Variants in SLC35E3 observed in about 807,000 individuals in gnomAD.
SLC35E3 encodes the protein bladder cancer-overexpressed gene 1 protein.
In SLC35E3, 28 loss-of-function variants were observed where a neutral mutation model predicts 30.8. The observed-to-expected ratio is 0.91, with a 90% CI of 0.67 to 1.25. The LOEUF is 1.25. Among genes scored for constraint, SLC35E3 ranks in the 50% most tolerant of loss-of-function variants. The pLI is 0.00. For synonymous variants in SLC35E3, 146 were observed against 149.2 expected (o/e 0.98, Z 0.16); for missense variants, 365 against 375.4 (o/e 0.97, Z 0.23).
In SLC35E3 at chr12:68,764,657, T is replaced by G. The variant is rs761322810; in HGVS notation, c.756-47T>G. 4.4e-6 allele frequency: 7 copies of G among 1,574,038 alleles called. No homozygotes were observed. The South Asian group carries it at 6.9e-5, about 15-fold the overall frequency. ...GCAGTGCGAGTGTGTGTGTAAATAT[T>G]AACATCTATCTTGTTATTCCTTTTT... On this transcript the variant is annotated intron_variant, in intron 4 of 4. Transcript: ENST00000398004.
At position 68,766,746 on chromosome 12, in the gene SLC35E3, G is replaced by C. The variant is rs902443073; in HGVS notation, c.*1856G>C. 1.3e-5 allele frequency: 6 copies of C among 449,468 alleles called. No individual in the cohort carries two copies. Among genetic ancestry groups the C allele is most frequent in the African/African-American group, 1.2e-4 (6 of 49,784 alleles). The allele number at this position is 449,468 out of a possible 1,614,324, so 27.8% of individuals were successfully genotyped here. A position where few individuals can be genotyped will look rare whatever the true frequency, so the allele number is the denominator to read the frequency against. On this transcript the variant is annotated 3_prime_UTR_variant, in exon 5 of 5. Coordinates refer to ENST00000398004, the MANE Select transcript of SLC35E3 (RefSeq NM_018656.5). ...ACTACAGGTGCACACCAACATACCT[G>C]GCTGATTTTTATATTTTTTGTAGAG...
rs1219273534 is a variant in SLC35E3, at chr12:68,766,063, A to G, written c.*1173A>G. ...AAAGTATAATAAAGATGACTGTAAGACAAAATCCAATTCTAAAAGTATGAT... is the reference window on the plus strand; with the variant it reads ...AAAGTATAATAAAGATGACTGTAAGGCAAAATCCAATTCTAAAAGTATGAT... On this transcript the variant is annotated 3_prime_UTR_variant, in exon 5 of 5. Transcript: ENST00000398004. 1 of 152,136 alleles carries G rather than the reference A, an allele frequency of 6.6e-6. No individual in the cohort carries two copies. Among genetic ancestry groups the G allele is most frequent in the Non-Finnish European group, 1.5e-5 (1 of 68,026 alleles). 9.4% of individuals were successfully genotyped at this position (152,136 alleles called of 1,614,324 possible).
At chr12:68,746,933 G>C (rs1878605256) in intron 1 of SLC35E3, among the ~76,000 whole-genome samples, 154 bp downstream of exon 1, 1 of 152,254 alleles carries the variant, frequency 6.6e-6, no homozygotes, top group Non-Finnish European at 1.5e-5. Flanking sequence ...ATTTTAGGGA[G>C]GGGGAAAAGG....
chr12:68,759,253 A>G lies in SLC35E3; in HGVS notation c.755+14A>G, dbSNP rs756590796. On this transcript the variant is annotated intron_variant, in intron 4 of 4. Transcript: ENST00000398004. ...TTCACCTGTCACGTATCCTTTTCAT[A>G]TAACTTAGAAATGCATCGTCTTTTA... 12 of 1,584,202 alleles carry G rather than the reference A, an allele frequency of 7.6e-6. 1 individual carries two copies. The South Asian group carries it at 9.0e-5, about 12-fold the overall frequency.
At position 68,769,472 on chromosome 12, in the gene SLC35E3, C is replaced by T. The variant is rs1297144644; in HGVS notation, c.*4582C>T. 6.6e-6 allele frequency: 1 copy of T among 151,696 alleles called. No individual in the cohort carries two copies. Among genetic ancestry groups the T allele is most frequent in the African/African-American group, 2.4e-5 (1 of 41,272 alleles). 9.4% of individuals were successfully genotyped at this position (151,696 alleles called of 1,614,324 possible). ...AGGAGTTCGAGACCAGCCTGGCCAA[C>T]ATGGTGAAACCCCATCTCTACTAAA... On this transcript the variant is annotated 3_prime_UTR_variant, in exon 5 of 5. Coordinates refer to ENST00000398004, the MANE Select transcript of SLC35E3 (RefSeq NM_018656.5).
rs1879438878 is a variant in SLC35E3 at position 68,766,823 on chromosome 12, C to T, written c.*1933C>T. ...TGATCTCAAACTCTTGAGCTCAAGC[C>T]ATCTGTCTGCCTCAGCCTCTCGAAG... On this transcript the variant is annotated 3_prime_UTR_variant, in exon 5 of 5. Transcript: ENST00000398004. 2.2e-6 allele frequency: 1 copy of T among 446,246 alleles called. No homozygotes were observed. The highest frequency in any genetic ancestry group is 4.5e-6 in the Non-Finnish European group (1 of 222,812). 27.6% of individuals were successfully genotyped at this position (446,246 alleles called of 1,614,324 possible). A position where few individuals can be genotyped will look rare whatever the true frequency, so the allele number is the denominator to read the frequency against.
rs757876132 is a variant in SLC35E3 at position 68,746,811 on chromosome 12, C to T, written c.402+32C>T. The stretch of plus-strand genomic sequence containing the variant: ...AGCTTCAGCTTCCCAAGGCGCCGCT[C>T]TCCCGACCCACCTCCTGCACTGGCC... On this transcript the variant is annotated intron_variant, in intron 1 of 4. Coordinates refer to ENST00000398004, the MANE Select transcript of SLC35E3 (RefSeq NM_018656.5). 2.5e-5 allele frequency: 38 copies of T among 1,535,824 alleles called. No individual in the cohort carries two copies. The Admixed American group carries it at 7.2e-4, about 29-fold the overall frequency.
chr12:68,751,236 T>G (rs1331735623), intron 2 of SLC35E3, among the ~76,000 whole-genome samples: 9 of 151,904 alleles, frequency 5.9e-5, no homozygotes, highest in Non-Finnish European at 1.3e-4. Flanking sequence ...GCCACACACA[T>G]TGGCAACCAT....
intron 4 of SLC35E3, among the ~76,000 whole-genome samples, chr12:68,761,108 G>T (rs1879219582): frequency 6.6e-6 from 1 of 152,234 alleles, no homozygotes; most frequent in South Asian, 2.1e-4. Flanking sequence ...AGAGCAGGTT[G>T]AGCAAAGGAG....
chr12:68,753,562 G>C (rs973110289), intron 3 of SLC35E3, among the ~76,000 whole-genome samples: 6 of 152,068 alleles, frequency 3.9e-5, no homozygotes, highest in African/African-American at 1.4e-4. Flanking sequence ...ATCATTTCAT[G>C]GATCTCTTTT....
chr12:68,759,115 T>C (rs748638972), intron 3 of SLC35E3, 42 bp from the exon 4 acceptor site: 1 of 1,259,260 alleles, frequency 7.9e-7, no homozygotes, highest in Non-Finnish European at 1.2e-6. Context: ...ATGATTATGA[T>C]TGCAGTGCTT....
chr12:68,758,229 G>A (rs1387513634), intron 3 of SLC35E3, among the ~76,000 whole-genome samples: 1 of 152,134 alleles, frequency 6.6e-6, no homozygotes, highest in African/African-American at 2.4e-5. Flanking sequence ...AGACCAGCCT[G>A]GCCAAGATGG....
chr12:68,746,756 T>A lies in SLC35E3; in HGVS notation c.379T>A (p.Ser127Thr), dbSNP rs1445684271. The A allele has an allele frequency of 6.3e-7, 1 of 1,591,688 alleles. No homozygotes were observed. Among genetic ancestry groups the A allele is most frequent in the Non-Finnish European group, 8.6e-7 (1 of 1,165,444 alleles). ...GACCTTCTGCTACCAGAAAACCTTC[T>A]CCACCAGAATCCAGCTCACGCTGGT... ...IQTFCYQKTF[S>T]TRIQLTLIPI... Residue 127 changes from serine to threonine, a missense_variant, in exon 1 of 5, where the codon TCC (serine) becomes ACC (threonine). Transcript: ENST00000398004.
In SLC35E3 at chr12:68,764,930, T is replaced by C. The variant is rs1565718365; in HGVS notation, c.*40T>C. Reference sequence around the variant, plus strand: ...AGAAAAGAATGTTGTCCCAAGAAGATAAAAAATATTGTTAAGTGTGCAAGT... The same window carrying C: ...AGAAAAGAATGTTGTCCCAAGAAGACAAAAAATATTGTTAAGTGTGCAAGT... On this transcript the variant is annotated 3_prime_UTR_variant, in exon 5 of 5. Coordinates refer to ENST00000398004, the MANE Select transcript of SLC35E3 (RefSeq NM_018656.5). 1.3e-6 allele frequency: 2 copies of C among 1,579,440 alleles called. No individual in the cohort carries two copies. Among genetic ancestry groups the C allele is most frequent in the African/African-American group, 1.4e-5 (1 of 73,272 alleles).
At position 68,752,096 on chromosome 12, in the gene SLC35E3, C is replaced by T. The variant is rs200997052; in HGVS notation, c.578C>T (p.Pro193Leu). 366 of 1,613,700 alleles carry T rather than the reference C, an allele frequency of 2.3e-4. No individual in the cohort carries two copies. The highest frequency in any genetic ancestry group is 4.9e-4 in the East Asian group (22 of 44,892). ...NSMQLLYYQA[P>L]MSSAMLLVAV... ...ATGCAGCTGCTGTACTACCAGGCTC[C>T]GATGTCATCTGCCATGTTGCTGGTT... The change falls in exon 3 of 5, where the codon CCG (proline) becomes CTG (leucine). Residue 193 changes from proline (P) to leucine (L), a missense_variant. Physicochemically the swap from Pro to Leu is moderately conservative, Grantham distance 98. Transcript: ENST00000398004.
At chr12:68,758,264 C>CA (rs1393903811) in intron 3 of SLC35E3, among the ~76,000 whole-genome samples, 9 of 151,584 alleles carry the variant, frequency 5.9e-5, no homozygotes, top group African/African-American at 2.2e-4. Context: ...ACTAAAAATA[C>CA]AAAAAATTAG....
In SLC35E3 at chr12:68,767,518, G is replaced by GAAAAAAAAAAAAAAAAAAAAAAAAAAA. The variant is rs10598377; in HGVS notation, c.*2647_*2648insAAAAAAAAAAAAAAAAAAAAAAAAAAA. 1 of 114,792 alleles carries GAAAAAAAAAAAAAAAAAAAAAAAAAAA rather than the reference G, an allele frequency of 8.7e-6. No individual in the cohort carries two copies. The highest frequency in any genetic ancestry group is 1.7e-5 in the Non-Finnish European group (1 of 58,490). The allele number at this position is 114,792 out of a possible 1,614,324, so 7.1% of individuals were successfully genotyped here. Reference sequence around the variant, plus strand: ...GGCGACAGACTGGACTCTGTCTCGGGAAAAAAAAAAAAAAAAAAAGGGAAG... The same window carrying GAAAAAAAAAAAAAAAAAAAAAAAAAAA: ...GGCGACAGACTGGACTCTGTCTCGGGAAAAAAAAAAAAAAAAAAAAAAAAAAAAAAAAAAAAAAAAAAAAAAGGGAAG... On this transcript the variant is annotated 3_prime_UTR_variant, in exon 5 of 5. Coordinates refer to ENST00000398004, the MANE Select transcript of SLC35E3 (RefSeq NM_018656.5).
Position 68,761,720 on chromosome 12 carries a change from A to C in SLC35E3, c.755+2481A>C, listed in dbSNP as rs1201183126. 2.6e-5 allele frequency among the ~76,000 whole-genome samples: 4 copies of C among 152,344 alleles called. No individual in the cohort carries two copies. The East Asian group carries it at 7.7e-4, about 29-fold the overall frequency. The stretch of plus-strand genomic sequence containing the variant: ...TACGATATTCTAATTTAGAAGTAAT[A>C]GTGGCTACCAGTATGATAGCAGTGG... On this transcript the variant is annotated intron_variant, in intron 4 of 4. Transcript: ENST00000398004.
chr12:68,764,921 C>A lies in SLC35E3; in HGVS notation c.*31C>A. On this transcript the variant is annotated 3_prime_UTR_variant, in exon 5 of 5. Transcript: ENST00000398004. The stretch of plus-strand genomic sequence containing the variant: ...TTTTTGTGGAGAAAAGAATGTTGTC[C>A]CAAGAAGATAAAAAATATTGTTAAG... The A allele has an allele frequency of 1.3e-6, 2 of 1,591,484 alleles. No homozygotes were observed. The highest frequency in any genetic ancestry group is 1.7e-6 in the Non-Finnish European group (2 of 1,168,394).
Sources: gnomAD v4.1 joint callset for allele counts (sites outside exome capture counted in the v4.1 genomes callset) on GRCh38, gnomAD v4.1.1 for gene constraint, MANE v1.5 for transcripts, NCBI Gene and HGNC (gene_info 2026-07-23, HGNC 2026-07-21) for gene names.